Variants in ZNF410 observed in about 807,000 individuals in gnomAD.
ZNF410 encodes another partner for ARF 1.
ZNF410 carries 18 observed loss-of-function variants against 54.8 expected under a neutral mutation model. That is an observed-to-expected ratio of 0.33 (90% CI 0.23 to 0.49). The LOEUF is 0.49. ZNF410 is among the 20% of genes least tolerant of loss of function. ZNF410 has a pLI of 0.99. For synonymous variants in ZNF410, 191 were observed against 207.3 expected, an observed-to-expected ratio of 0.92 and a Z score of 0.68; for missense variants, 405 against 569.6, an observed-to-expected ratio of 0.71 and a Z score of 2.94.
In ZNF410 at chr14:73,893,947, C is replaced by G. The variant is rs771119010; in HGVS notation, c.169+15C>G. On this transcript the variant is annotated intron_variant, in intron 3 of 11. Coordinates refer to ENST00000555044, the MANE Select transcript of ZNF410 (RefSeq NM_021188.3). ...AATGTTACCAGGTAAAAATTAAGAT[C>G]ACTAGAAATAGGATAAAGAAGTCTT... The G allele has an allele frequency of 5.6e-6, 9 of 1,604,100 alleles. No individual in the cohort carries two copies. The highest frequency in any genetic ancestry group is 6.8e-6 in the Non-Finnish European group (8 of 1,176,546).
chr14:73,901,770 A>C (rs557108849), intron 5 of ZNF410, among the ~76,000 whole-genome samples: 3 of 151,410 alleles, frequency 2.0e-5, no homozygotes, highest in Non-Finnish European at 4.4e-5. Flanking sequence ...ACAAAAAAAA[A>C]ATAGAAAAAA....
chr14:73,903,806 T>C, intron 5 of ZNF410, 154 bp from the exon 6 acceptor site: 1 of 1,073,274 alleles, frequency 9.3e-7, no homozygotes. Flanking sequence ...TGGCCAAGTT[T>C]CTGCTGTTAA....
intron 8 of ZNF410, chr14:73,916,395 G>A (rs939825234): frequency 6.6e-6 from 1 of 152,088 alleles, no homozygotes; most frequent in African/African-American, 2.4e-5. Context: ...TTGTTAGGCT[G>A]GTCTTGAACT....
At position 73,892,211 on chromosome 14, in the gene ZNF410, G is replaced by A. The variant is rs368486670; in HGVS notation, c.33+3G>A. ...ATGAGTTAGAATCCAAACCAGAGGT[G>A]AGCCCAGTCAGCTTGTTTCCTTTTC... is the stretch of plus-strand genomic sequence containing the variant. On this transcript the variant is annotated splice_donor_region_variant and intron_variant, in intron 2 of 11. Coordinates refer to ENST00000555044, the MANE Select transcript of ZNF410 (RefSeq NM_021188.3). 44 of 1,612,752 alleles carry A rather than the reference G, an allele frequency of 2.7e-5. No individual in the cohort carries two copies. The highest frequency in any genetic ancestry group is 3.7e-5 in the Non-Finnish European group (44 of 1,179,698).
rs2140295510 is a variant in ZNF410 at position 73,893,949 on chromosome 14, C to T, written c.169+17C>T. On this transcript the variant is annotated intron_variant, in intron 3 of 11. Transcript: ENST00000555044. The stretch of plus-strand genomic sequence containing the variant: ...TGTTACCAGGTAAAAATTAAGATCA[C>T]TAGAAATAGGATAAAGAAGTCTTAA... 4 of 1,603,056 alleles carry T rather than the reference C, an allele frequency of 2.5e-6. No individual in the cohort carries two copies. The East Asian group carries it at 8.9e-5, about 36-fold the overall frequency.
At position 73,909,334 on chromosome 14, in the gene ZNF410, T is replaced by C; in HGVS notation, c.914-7T>C. ...GACTGAGTCTTTATCTCATTTTCTG[T>C]CTCTAGGAGAGAAACCTTTCCTTTG... On this transcript the variant is annotated splice_region_variant and splice_polypyrimidine_tract_variant and intron_variant, in intron 7 of 11. Transcript: ENST00000555044. 6.2e-7 allele frequency: 1 copy of C among 1,610,636 alleles called. No individual in the cohort carries two copies. The highest frequency in any genetic ancestry group is 8.5e-7 in the Non-Finnish European group (1 of 1,178,642).
intron 5 of ZNF410, chr14:73,903,719 CGG>C: frequency 2.0e-6 from 1 of 493,866 alleles, no homozygotes; most frequent in Non-Finnish European, 3.6e-6. Context: ...ATGCTAGTCT[CGG>C]AACACCTGGG....
At chr14:73,903,549 G>A (rs1261890288) in intron 5 of ZNF410, among the ~76,000 whole-genome samples, 1 of 152,038 alleles carries the variant, frequency 6.6e-6, no homozygotes, top group African/African-American at 2.4e-5. Context: ...GAGTGCAATG[G>A]TGCAGTCACA....
chr14:73,910,135 T>A (rs115184091), intron 8 of ZNF410, among the ~76,000 whole-genome samples: 1 of 152,020 alleles, frequency 6.6e-6, no homozygotes, highest in Non-Finnish European at 1.5e-5. Flanking sequence ...GAAAACAAGA[T>A]GGGGAAGGTA....
intron 11 of ZNF410, among the ~76,000 whole-genome samples, chr14:73,931,258 G>A (rs550547532): frequency 6.6e-6 from 1 of 152,206 alleles, no homozygotes; most frequent in South Asian, 2.1e-4. Context: ...CAATAGTTTG[G>A]CTTATAGACT....
Position 73,905,004 on chromosome 14 carries a change from C to T in ZNF410, c.834C>T (p.Pro278=). The T allele has an allele frequency of 6.2e-7, 1 of 1,614,168 alleles. No individual in the cohort carries two copies. Among genetic ancestry groups the T allele is most frequent in the Non-Finnish European group, 8.5e-7 (1 of 1,180,030 alleles). The part of the protein sequence containing the change: ...VHMRTHNGEK[P]FMCHESGCGK... Reference sequence around the variant, plus strand: ...TGAGGACCCACAATGGAGAGAAGCCCTTTATGTGCCATGAGTCTGGCTGTG... The same window carrying T: ...TGAGGACCCACAATGGAGAGAAGCCTTTTATGTGCCATGAGTCTGGCTGTG... Residue 278 remains proline (P), a synonymous_variant, in exon 7 of 12, where the codon CCC becomes CCT. Coordinates refer to ENST00000555044, the MANE Select transcript of ZNF410 (RefSeq NM_021188.3).
chr14:73,909,315 G>A, intron 7 of ZNF410, 26 bp from the exon 8 acceptor site: 1 of 1,596,086 alleles, frequency 6.3e-7, no homozygotes, highest in Non-Finnish European at 8.6e-7. Flanking sequence ...AGAAGACTGA[G>A]TCTTTATCTC....
chr14:73,920,756 A>G, intron 8 of ZNF410: 1 of 515,738 alleles, frequency 1.9e-6, no homozygotes, highest in Admixed American at 3.3e-5. Context: ...GAAGGTCTGG[A>G]AAGGACCAGC....
chr14:73,912,370 G>A lies in ZNF410; in HGVS notation c.1003+2940G>A, dbSNP rs190138735. On this transcript the variant is annotated intron_variant, in intron 8 of 11. Transcript: ENST00000555044. Reference sequence around the variant, plus strand: ...TTTTTACTAGAGACGGTTTCACCATGTGGCCAGGCTGGTCTTGAACTCCTG... The same window carrying A: ...TTTTTACTAGAGACGGTTTCACCATATGGCCAGGCTGGTCTTGAACTCCTG... Among the ~76,000 whole-genome samples, 1,286 of 151,770 alleles carry A rather than the reference G, an allele frequency of 8.5e-3. 13 individuals are homozygous for A. Among genetic ancestry groups the A allele is most frequent in the Middle Eastern group, 0.038 (11 of 292 alleles).
At chr14:73,894,482 C>T (rs937108209) in intron 3 of ZNF410, 49 of 687,548 alleles carry the variant, frequency 7.1e-5, no homozygotes, top group Admixed American at 2.7e-4. Context: ...AGTGTAGTGA[C>T]GCAATCTTGG....
At chr14:73,891,030 G>C (rs764850859) in intron 1 of ZNF410, among the ~76,000 whole-genome samples, 1 of 151,844 alleles carries the variant, frequency 6.6e-6, no homozygotes, top group Non-Finnish European at 1.5e-5. Flanking sequence ...ATAAAAGAGA[G>C]AGAACAGCCG....
At position 73,896,311 on chromosome 14, in the gene ZNF410, A is replaced by G; in HGVS notation, c.170-5A>G. 6.2e-7 allele frequency: 1 copy of G among 1,612,502 alleles called. No individual in the cohort carries two copies. Among genetic ancestry groups the G allele is most frequent in the Non-Finnish European group, 8.5e-7 (1 of 1,178,624 alleles). On this transcript the variant is annotated splice_polypyrimidine_tract_variant and splice_region_variant and intron_variant, in intron 3 of 11. Coordinates refer to ENST00000555044, the MANE Select transcript of ZNF410 (RefSeq NM_021188.3). ...CATAAAGCTGTGGTATTTTCCCTTTACTAGATGATACTACAAATCATTCTA... is the reference window on the plus strand; with the variant it reads ...CATAAAGCTGTGGTATTTTCCCTTTGCTAGATGATACTACAAATCATTCTA...
chr14:73,887,815 A>T (rs2055167412), intron 1 of ZNF410, among the ~76,000 whole-genome samples: 1 of 152,220 alleles, frequency 6.6e-6, no homozygotes, highest in South Asian at 2.1e-4. Flanking sequence ...ATCTAAGTAG[A>T]TGTCTAATTT....
intron 2 of ZNF410, among the ~76,000 whole-genome samples, chr14:73,892,651 T>C (rs192747098): frequency 1.3e-5 from 2 of 152,310 alleles, no homozygotes; most frequent in Admixed American, 1.3e-4. Context: ...ACTTTAAATT[T>C]AGCACATCTG....
Sources: gnomAD v4.1 joint callset for allele counts (sites outside exome capture counted in the v4.1 genomes callset) on GRCh38, gnomAD v4.1.1 for gene constraint, MANE v1.5 for transcripts, NCBI Gene and HGNC (gene_info 2026-07-23, HGNC 2026-07-21) for gene names.